The following MAP2 variants were observed in gnomAD, a reference collection of about 807,000 sequenced individuals.
MAP2 encodes the protein microtubule associated protein 2.
MAP2 carries 14 observed loss-of-function variants against 137.6 expected under a neutral mutation model. That is an observed-to-expected ratio of 0.10 (90% confidence interval 0.07 to 0.16). The LOEUF (loss-of-function observed/expected upper bound fraction) is 0.16, where lower values mean the gene tolerates loss of function less well. Among genes scored for constraint, MAP2 ranks in the 10% least tolerant of loss-of-function variants. The pLI, the probability that MAP2 is intolerant of heterozygous loss-of-function variation, is 1.00. For synonymous variants in MAP2, 786 were observed against 782.3 expected (o/e 1.00, Z -0.08); for missense variants, 2,088 against 2,191.5 (o/e 0.95, Z 0.94).
Position 209,676,485 on chromosome 2 carries a change from A to G in MAP2, c.263-2087A>G, listed in dbSNP as rs1425198097. Among the ~76,000 whole-genome samples the G allele has an allele frequency of 4.6e-5, 7 of 151,732 alleles. 1 individual carries two copies. The South Asian group carries it at 1.2e-3, about 27-fold the overall frequency. On this transcript the variant is annotated intron_variant, in intron 5 of 15. Transcript: ENST00000682079. ...AAAATAATCTGTACAACAAGCCCCC[A>G]TGACACAAGTTTATCTCTGTAACAA...
chr2:209,630,459 C>G (rs2153546537), intron 4 of MAP2, among the ~76,000 whole-genome samples: 1 of 152,242 alleles, frequency 6.6e-6, no homozygotes, highest in South Asian at 2.1e-4. Flanking sequence ...ATGACCTGAG[C>G]TGCTTAGCTA....
intron 1 of MAP2, among the ~76,000 whole-genome samples, chr2:209,506,454 A>G (rs1412132071): frequency 6.6e-6 from 1 of 152,180 alleles, no homozygotes; most frequent in Non-Finnish European, 1.5e-5. Context: ...GCTGTTTTCT[A>G]TCCAGTTAAC....
intron 2 of MAP2, among the ~76,000 whole-genome samples, chr2:209,570,285 T>A (rs936557431): frequency 1.3e-5 from 2 of 151,858 alleles, no homozygotes; most frequent in Non-Finnish European, 3.0e-5. Context: ...TGTTTATCTC[T>A]TCCTCTTCTG....
chr2:209,585,646 T>G (rs2077520262), intron 3 of MAP2, among the ~76,000 whole-genome samples: 1 of 152,200 alleles, frequency 6.6e-6, no homozygotes, highest in African/African-American at 2.4e-5. Flanking sequence ...ACCTGCATAT[T>G]ATTCTCTCAC....
At chr2:209,712,302 C>T (rs2065772720) in intron 13 of MAP2, among the ~76,000 whole-genome samples, 1 of 152,054 alleles carries the variant, frequency 6.6e-6, no homozygotes, top group Admixed American at 6.5e-5. Context: ...TGAACTAAAA[C>T]TTCCTTAGAG....
At chr2:209,566,012 A>C (rs1352845666) in intron 2 of MAP2, among the ~76,000 whole-genome samples, 1 of 152,162 alleles carries the variant, frequency 6.6e-6, no homozygotes, top group South Asian at 2.1e-4. Context: ...ATAATGATGA[A>C]ATACTTTTTT....
chr2:209,445,525 A>C (rs1405771502), intron 1 of MAP2, among the ~76,000 whole-genome samples: 1 of 151,686 alleles, frequency 6.6e-6, no homozygotes, highest in African/African-American at 2.4e-5. Flanking sequence ...GGAGACAAGA[A>C]AAGTTGGTGC....
chr2:209,713,577 CTA>C (rs2066298645), intron 13 of MAP2, among the ~76,000 whole-genome samples: 1 of 152,172 alleles, frequency 6.6e-6, no homozygotes, highest in South Asian at 2.1e-4. Flanking sequence ...ATAGGGAAGA[CTA>C]TCTTATTAAG....
chr2:209,623,244 G>A (rs2091623990), intron 3 of MAP2, among the ~76,000 whole-genome samples: 1 of 152,174 alleles, frequency 6.6e-6, no homozygotes, highest in Admixed American at 6.6e-5. Flanking sequence ...CAACGTGGAA[G>A]TGCGTGGGAG....
At chr2:209,601,379 C>A (rs1158652561) in intron 3 of MAP2, among the ~76,000 whole-genome samples, 1 of 151,750 alleles carries the variant, frequency 6.6e-6, no homozygotes, top group South Asian at 2.1e-4. Flanking sequence ...AAAATAAATT[C>A]TCTTGTTAGG....
At chr2:209,512,159 A>G (rs1415345046) in intron 2 of MAP2, among the ~76,000 whole-genome samples, 1 of 152,150 alleles carries the variant, frequency 6.6e-6, no homozygotes, top group Non-Finnish European at 1.5e-5. Context: ...AGATATTATT[A>G]TGAGTCTTAA....
chr2:209,705,853 T>C, intron 12 of MAP2, 126 bp downstream of exon 12: 1 of 851,750 alleles, frequency 1.2e-6, no homozygotes, highest in Non-Finnish European at 1.7e-6. Flanking sequence ...ATATTTGCCA[T>C]AAGGATCAGA....
chr2:209,673,288 C>A (rs1390278243), intron 5 of MAP2, among the ~76,000 whole-genome samples: 1 of 151,736 alleles, frequency 6.6e-6, no homozygotes, highest in Non-Finnish European at 1.5e-5. Context: ...TCATGCATAG[C>A]CATGACGTGA....
At chr2:209,621,257 A>ATTTTTTTTTTTTTTTT (rs1186032597) in intron 3 of MAP2, among the ~76,000 whole-genome samples, 1 of 125,146 alleles carries the variant, frequency 8.0e-6, no homozygotes, top group African/African-American at 3.1e-5. Context: ...AGGCATCTTG[A>ATTTTTTTTTTTTTTTT]TTTTTTTTTT....
In MAP2 at chr2:209,555,809, C is replaced by A. The variant is rs751116845; in HGVS notation, c.-171-24227C>A. Among the ~76,000 whole-genome samples the A allele has an allele frequency of 2.6e-4, 40 of 152,034 alleles. 1 individual carries two copies. Among genetic ancestry groups the A allele is most frequent in the Admixed American group, 2.6e-3 (40 of 15,246 alleles). On this transcript the variant is annotated intron_variant, in intron 2 of 15. Coordinates refer to ENST00000682079, the MANE Select transcript of MAP2 (RefSeq NM_001375505.1). ...GATATTTAATATTTGTCTTTATAAA[C>A]TGGAGAATGCCAATATTCTACTCCC...
intron 2 of MAP2, among the ~76,000 whole-genome samples, chr2:209,511,566 T>C (rs2061722243): frequency 6.6e-6 from 1 of 152,064 alleles, no homozygotes; most frequent in African/African-American, 2.4e-5. Flanking sequence ...CTTAAACAGA[T>C]GATTTCCTAT....
intron 4 of MAP2, among the ~76,000 whole-genome samples, chr2:209,625,679 G>A (rs1029772671): frequency 2.0e-5 from 3 of 152,196 alleles, no homozygotes; most frequent in East Asian, 3.9e-4. Flanking sequence ...TCATGTTGTG[G>A]TAGAAATGTC....
At chr2:209,614,786 G>A (rs2088537735) in intron 3 of MAP2, among the ~76,000 whole-genome samples, 3 of 152,096 alleles carry the variant, frequency 2.0e-5, no homozygotes, top group African/African-American at 7.2e-5. Context: ...TGCCAGCTTA[G>A]TCCCCACTGT....
intron 2 of MAP2, among the ~76,000 whole-genome samples, chr2:209,540,735 T>A (rs144111690): frequency 6.7e-6 from 1 of 149,404 alleles, no homozygotes; most frequent in Non-Finnish European, 1.5e-5. Context: ...ATAGGGTTGT[T>A]AAGTAATAGT....
Sources: gnomAD v4.1 joint callset for allele counts (sites outside exome capture counted in the v4.1 genomes callset) on GRCh38, gnomAD v4.1.1 for gene constraint, MANE v1.5 for transcripts, NCBI Gene and HGNC (gene_info 2026-07-23, HGNC 2026-07-21) for gene names.